Variants in LRFN5 observed in about 807,000 individuals in gnomAD.
LRFN5 encodes leucine-rich repeat and fibronectin type-III domain-containing protein 5.
Under a neutral mutation model 45.6 loss-of-function variants are expected in LRFN5, and 24 were observed. That is an observed-to-expected ratio of 0.53 (90% confidence interval 0.38 to 0.74). LRFN5 has a LOEUF of 0.74. Ranked by LOEUF, LRFN5 falls within the 30% of genes least tolerant of loss-of-function variation. LRFN5 has a pLI of 0.00. For missense variants in LRFN5, 776 were observed against 861.5 expected (o/e 0.90, Z 1.24); for synonymous variants, 340 against 313.8 (o/e 1.08, Z -0.88).
intron 2 of LRFN5, among the ~76,000 whole-genome samples, chr14:41,818,552 T>A (rs1594437165): frequency 6.6e-6 from 1 of 151,988 alleles, no homozygotes; most frequent in Non-Finnish European, 1.5e-5. Context: ...TCCCTTCAAG[T>A]GATATATGCC....
intron 3 of LRFN5, among the ~76,000 whole-genome samples, chr14:41,890,381 C>T (rs961526706): frequency 1.4e-4 from 21 of 152,024 alleles, no homozygotes; most frequent in Admixed American, 1.3e-4. Context: ...CAAGTGTTGA[C>T]TGCATTAAAA....
chr14:41,621,536 G>C (rs1214353859), intron 1 of LRFN5, among the ~76,000 whole-genome samples: 1 of 152,130 alleles, frequency 6.6e-6, no homozygotes, highest in Non-Finnish European at 1.5e-5. Flanking sequence ...TGTAAAAAGA[G>C]TGAGACAGGT....
chr14:41,738,789 A>G (rs183791842), intron 1 of LRFN5, among the ~76,000 whole-genome samples: 2 of 152,272 alleles, frequency 1.3e-5, no homozygotes, highest in East Asian at 3.9e-4. Context: ...AATGTGTCTT[A>G]ATGTAGGTTG....
At chr14:41,697,656 CT>C (rs202245507) in intron 1 of LRFN5, among the ~76,000 whole-genome samples, 7,317 of 139,924 alleles carry the variant, frequency 0.052, 218 homozygotes, top group African/African-American at 0.098. Context: ...CTTCACTGCT[CT>C]TTTTTTTTTT....
At chr14:41,713,447 A>T (rs1883366303) in intron 1 of LRFN5, among the ~76,000 whole-genome samples, 1 of 152,120 alleles carries the variant, frequency 6.6e-6, no homozygotes. Flanking sequence ...ACTTGTCTTT[A>T]TTAACATAAA....
At chr14:41,679,450 T>C (rs1291817370) in intron 1 of LRFN5, among the ~76,000 whole-genome samples, 1 of 152,088 alleles carries the variant, frequency 6.6e-6, no homozygotes, top group African/African-American at 2.4e-5. Flanking sequence ...GGCAGAGTCC[T>C]GAGACCCCTA....
chr14:41,878,564 A>G (rs754366161), intron 2 of LRFN5, among the ~76,000 whole-genome samples: 1 of 152,122 alleles, frequency 6.6e-6, no homozygotes, highest in South Asian at 2.1e-4. Flanking sequence ...TGTGTAATAG[A>G]CTCTTCTTTG....
intron 1 of LRFN5, among the ~76,000 whole-genome samples, chr14:41,730,711 A>G (rs1016704459): frequency 1.3e-4 from 20 of 151,732 alleles, no homozygotes; most frequent in African/African-American, 4.1e-4. Flanking sequence ...GGTTCTTTTC[A>G]GTCCTTTAAT....
intron 1 of LRFN5, among the ~76,000 whole-genome samples, chr14:41,650,638 G>C (rs953449430): frequency 2.0e-5 from 3 of 151,912 alleles, no homozygotes; most frequent in Non-Finnish European, 4.4e-5. Flanking sequence ...TCTCTTTTAA[G>C]GAAATGATTT....
intron 1 of LRFN5, among the ~76,000 whole-genome samples, chr14:41,729,921 G>A (rs1039568058): frequency 4.6e-5 from 7 of 151,768 alleles, no homozygotes; most frequent in African/African-American, 1.7e-4. Context: ...TGCCAATTAG[G>A]TGAAGAATAA....
intron 2 of LRFN5, among the ~76,000 whole-genome samples, chr14:41,791,478 C>G (rs1445065453): frequency 6.6e-6 from 1 of 151,992 alleles, no homozygotes; most frequent in Non-Finnish European, 1.5e-5. Flanking sequence ...GTAACAATGA[C>G]TCAACTTTTT....
chr14:41,642,011 C>G (rs1330406247), intron 1 of LRFN5, among the ~76,000 whole-genome samples: 1 of 152,054 alleles, frequency 6.6e-6, no homozygotes, highest in Admixed American at 6.6e-5. Context: ...ACAATGGATT[C>G]TTTTCATGTG....
chr14:41,814,174 A>G (rs936588952), intron 2 of LRFN5, among the ~76,000 whole-genome samples: 3 of 151,970 alleles, frequency 2.0e-5, no homozygotes, highest in African/African-American at 4.8e-5. Flanking sequence ...TTTAGATCCC[A>G]TTTGTCAATT....
chr14:41,865,292 T>A (rs896737841), intron 2 of LRFN5, among the ~76,000 whole-genome samples: 62 of 152,302 alleles, frequency 4.1e-4, no homozygotes, highest in African/African-American at 1.5e-3. Context: ...ATCTATTGAT[T>A]TTGGATATCA....
chr14:41,663,533 A>T (rs994326667), intron 1 of LRFN5, among the ~76,000 whole-genome samples: 1 of 151,712 alleles, frequency 6.6e-6, no homozygotes, highest in Admixed American at 6.6e-5. Context: ...GCCTACCAAG[A>T]TTTAGTTATT....
At chr14:41,692,239 CTATT>C (rs544217795) in intron 1 of LRFN5, among the ~76,000 whole-genome samples, 18 of 152,126 alleles carry the variant, frequency 1.2e-4, no homozygotes, top group African/African-American at 3.9e-4. Context: ...ATATTTGTAA[CTATT>C]TGTCATTATT....
rs942266474 is a variant in LRFN5 at position 41,904,180 on chromosome 14, C to T, written c.*5C>T. 7.5e-6 allele frequency: 12 copies of T among 1,607,834 alleles called. No homozygotes were observed. The highest frequency in any genetic ancestry group is 9.3e-6 in the Non-Finnish European group (11 of 1,178,142). On this transcript the variant is annotated 3_prime_UTR_variant, in exon 6 of 6. Coordinates refer to ENST00000298119, the MANE Select transcript of LRFN5 (RefSeq NM_152447.5). ...CAGAGGCTGGAGTTAATCTGAAGAG[C>T]ACCACTTCTCCTCTCTCTCCTGAAA... is the stretch of plus-strand genomic sequence containing the variant.
At chr14:41,681,520 C>G (rs1046159960) in intron 1 of LRFN5, among the ~76,000 whole-genome samples, 23 of 151,990 alleles carry the variant, frequency 1.5e-4, no homozygotes, top group Non-Finnish European at 2.1e-4. Flanking sequence ...ATCATTTTAT[C>G]CTATAATAGT....
At chr14:41,749,799 C>T (rs918011164) in intron 1 of LRFN5, among the ~76,000 whole-genome samples, 2 of 152,020 alleles carry the variant, frequency 1.3e-5, no homozygotes, top group Non-Finnish European at 2.9e-5. Context: ...TATGTACCTC[C>T]AAACCTAAAA....
Sources: gnomAD v4.1 joint callset for allele counts (sites outside exome capture counted in the v4.1 genomes callset) on GRCh38, gnomAD v4.1.1 for gene constraint, MANE v1.5 for transcripts, NCBI Gene and HGNC (gene_info 2026-07-23, HGNC 2026-07-21) for gene names.